CNTNAP5: variants seen among roughly 807,000 people sequenced by gnomAD.
CNTNAP5 encodes the protein contactin-associated protein-like 5.
In CNTNAP5, 72 loss-of-function variants were observed where a neutral mutation model predicts 150.2. The observed-to-expected ratio is 0.48, with a 90% CI of 0.40 to 0.58. CNTNAP5 has a LOEUF of 0.58. CNTNAP5 is among the 20% of genes least tolerant of loss of function. CNTNAP5 has a pLI of 0.00. For synonymous variants in CNTNAP5, 672 were observed against 619.8 expected (o/e 1.08, Z -1.25); for missense variants, 1,636 against 1,626.2 (o/e 1.01, Z -0.10).
chr2:124,869,867 C>A (rs1395169390), intron 21 of CNTNAP5, 105 bp downstream of exon 21: 2 of 589,854 alleles, frequency 3.4e-6, no homozygotes, highest in African/African-American at 1.9e-5. Flanking sequence ...CCTTTTGCTC[C>A]CATAATATCT....
At chr2:124,093,857 A>G (rs997700508) in intron 1 of CNTNAP5, among the ~76,000 whole-genome samples, 2 of 152,208 alleles carry the variant, frequency 1.3e-5, no homozygotes, top group Admixed American at 6.5e-5. Context: ...ATTTGTATTA[A>G]TGATATCGCA....
intron 3 of CNTNAP5, among the ~76,000 whole-genome samples, chr2:124,282,686 A>C (rs1432640818): frequency 6.6e-6 from 1 of 152,132 alleles, no homozygotes; most frequent in Admixed American, 6.6e-5. Context: ...TTAGCACACA[A>C]CAGATAAATA....
At chr2:124,183,280 G>A (rs1016708496) in intron 1 of CNTNAP5, among the ~76,000 whole-genome samples, 1 of 152,138 alleles carries the variant, frequency 6.6e-6, no homozygotes, top group Non-Finnish European at 1.5e-5. Flanking sequence ...AAAAAATTCT[G>A]TTTCTCTGAT....
intron 11 of CNTNAP5, among the ~76,000 whole-genome samples, chr2:124,589,976 C>T (rs555511554): frequency 1.3e-4 from 20 of 152,120 alleles, no homozygotes; most frequent in Non-Finnish European, 2.4e-4. Flanking sequence ...GCCATGAGTG[C>T]TCTGACTTCC....
chr2:124,338,101 C>CTCTTACTTATTCTCTTA (rs1433454940), intron 3 of CNTNAP5, among the ~76,000 whole-genome samples: 1 of 151,906 alleles, frequency 6.6e-6, no homozygotes, highest in Non-Finnish European at 1.5e-5. Flanking sequence ...AAGTTGGATT[C>CTCTTACTTATTCTCTTA]CTAGGTATTT....
chr2:124,800,071 G>A (rs1368131706), intron 19 of CNTNAP5, among the ~76,000 whole-genome samples: 1 of 152,184 alleles, frequency 6.6e-6, no homozygotes, highest in Non-Finnish European at 1.5e-5. Flanking sequence ...GGACACTGAG[G>A]CATGGAGAAG....
intron 3 of CNTNAP5, among the ~76,000 whole-genome samples, chr2:124,367,873 G>A (rs548871373): frequency 3.0e-4 from 46 of 152,304 alleles, no homozygotes; most frequent in African/African-American, 1.1e-3. Context: ...AAGAGGACTA[G>A]CAGGTAATTT....
chr2:124,529,030 CA>C (rs1695042705), intron 10 of CNTNAP5, among the ~76,000 whole-genome samples: 1 of 151,528 alleles, frequency 6.6e-6, no homozygotes, highest in African/African-American at 2.4e-5. Context: ...ATCAACAAAT[CA>C]TGCAGATTTT....
Position 124,563,201 on chromosome 2 carries a change from T to A in CNTNAP5, c.1650-16T>A. 6.6e-7 allele frequency: 1 copy of A among 1,508,694 alleles called. No homozygotes were observed. The highest frequency in any genetic ancestry group is 9.1e-7 in the Non-Finnish European group (1 of 1,102,230). The allele number at this position is 1,508,694 out of a possible 1,614,324, so 93.5% of individuals were successfully genotyped here. On this transcript the variant is annotated splice_polypyrimidine_tract_variant and intron_variant, in intron 10 of 23. Coordinates refer to ENST00000682447, the MANE Select transcript of CNTNAP5 (RefSeq NM_001367498.1). ...ATTTGGTTTATTTTCTTTTCATTTA[T>A]GTTTTCTTCCATTAGGTGTTTGCCA...
chr2:124,755,433 C>G (rs1420121932), intron 14 of CNTNAP5, among the ~76,000 whole-genome samples: 1 of 152,146 alleles, frequency 6.6e-6, no homozygotes, highest in East Asian at 1.9e-4. Context: ...TCAGAACTCA[C>G]CAGTCAGAAC....
intron 3 of CNTNAP5, among the ~76,000 whole-genome samples, chr2:124,283,087 G>T (rs1052048633): frequency 6.6e-6 from 1 of 151,902 alleles, no homozygotes; most frequent in Admixed American, 6.6e-5. Flanking sequence ...GGCTGTCCAG[G>T]ATTTGCTTGC....
At chr2:124,603,216 G>C (rs1324493232) in intron 11 of CNTNAP5, among the ~76,000 whole-genome samples, 2 of 152,146 alleles carry the variant, frequency 1.3e-5, no homozygotes, top group East Asian at 3.9e-4. Context: ...AAACATTCCA[G>C]TATTGTAGAT....
At chr2:124,546,426 A>G (rs892360316) in intron 10 of CNTNAP5, among the ~76,000 whole-genome samples, 2 of 152,002 alleles carry the variant, frequency 1.3e-5, no homozygotes, top group Middle Eastern at 3.2e-3. Context: ...CAAGGGGGGA[A>G]GTCACTGAAA....
chr2:124,392,415 T>G (rs1691137401), intron 3 of CNTNAP5, among the ~76,000 whole-genome samples: 1 of 152,140 alleles, frequency 6.6e-6, no homozygotes, highest in African/African-American at 2.4e-5. Context: ...AGTAGGTCAG[T>G]TAAATGAAAT....
At chr2:124,775,100 TGAAGAA>T (rs1681292189) in intron 17 of CNTNAP5, among the ~76,000 whole-genome samples, 1 of 152,168 alleles carries the variant, frequency 6.6e-6, no homozygotes, top group Non-Finnish European at 1.5e-5. Context: ...TTAATGTACT[TGAAGAA>T]GAATAAAATG....
chr2:124,380,663 G>C (rs1351361592), intron 3 of CNTNAP5, among the ~76,000 whole-genome samples: 1 of 152,042 alleles, frequency 6.6e-6, no homozygotes, highest in Non-Finnish European at 1.5e-5. Context: ...TTGTAATAAA[G>C]TCTGTATCCA....
intron 1 of CNTNAP5, among the ~76,000 whole-genome samples, chr2:124,190,822 G>C (rs1170085617): frequency 6.6e-6 from 1 of 152,150 alleles, no homozygotes; most frequent in South Asian, 2.1e-4. Context: ...ACCTACGTAT[G>C]TAAATTCCAT....
intron 19 of CNTNAP5, among the ~76,000 whole-genome samples, chr2:124,810,065 T>A (rs1049617827): frequency 2.0e-5 from 3 of 152,216 alleles, no homozygotes; most frequent in African/African-American, 7.2e-5. Flanking sequence ...CTATGTTTAG[T>A]CAAATTATCA....
chr2:124,198,070 A>G (rs1685634411), intron 1 of CNTNAP5, among the ~76,000 whole-genome samples: 1 of 152,026 alleles, frequency 6.6e-6, no homozygotes, highest in African/African-American at 2.4e-5. Flanking sequence ...TTCATATTGA[A>G]AGAAACCTTG....
Sources: allele counts gnomAD v4.1 joint callset (sites outside exome capture counted in the v4.1 genomes callset), GRCh38; gene constraint gnomAD v4.1.1; transcripts MANE v1.5; gene names NCBI Gene and HGNC (gene_info 2026-07-23, HGNC 2026-07-21).